The following AKAP6 variants were observed in gnomAD, a reference collection of about 807,000 sequenced individuals.
The protein encoded by AKAP6 is A-kinase anchor protein 6.
In AKAP6, 58 loss-of-function variants were observed where a neutral mutation model predicts 188.5. The ratio of observed to expected loss-of-function variants is 0.31; its 90% CI spans 0.25 to 0.38. The LOEUF (loss-of-function observed/expected upper bound fraction) is 0.38, where lower values mean the gene tolerates loss of function less well. Among genes scored for constraint, AKAP6 ranks in the 10% least tolerant of loss-of-function variants. The pLI is 1.00. For synonymous variants in AKAP6, 989 were observed against 998.6 expected, an observed-to-expected ratio of 0.99 and a Z score of 0.18; for missense variants, 2,710 against 2,740.0, an observed-to-expected ratio of 0.99 and a Z score of 0.24.
intron 8 of AKAP6, among the ~76,000 whole-genome samples, chr14:32,687,496 AC>A (rs2139670011): frequency 7.0e-6 from 1 of 143,278 alleles, no homozygotes; most frequent in South Asian, 2.2e-4. Flanking sequence ...ACACACTGTG[AC>A]CATTTTGAAT....
At chr14:32,372,649 A>T (rs1341524003) in intron 1 of AKAP6, among the ~76,000 whole-genome samples, 1 of 151,858 alleles carries the variant, frequency 6.6e-6, no homozygotes, top group Non-Finnish European at 1.5e-5. Flanking sequence ...TTAAATTATT[A>T]ATTGGCAAGA....
intron 8 of AKAP6, among the ~76,000 whole-genome samples, chr14:32,695,256 G>T (rs1179992105): frequency 6.6e-6 from 1 of 152,110 alleles, no homozygotes; most frequent in East Asian, 1.9e-4. Flanking sequence ...GTCTAATACT[G>T]GATCTGCCAC....
chr14:32,413,357 A>G (rs1889555991), intron 1 of AKAP6, among the ~76,000 whole-genome samples: 1 of 151,498 alleles, frequency 6.6e-6, no homozygotes, highest in Non-Finnish European at 1.5e-5. Context: ...TATTTTTTAA[A>G]ATTGTTTGTA....
chr14:32,415,600 G>A (rs988735529), intron 1 of AKAP6, among the ~76,000 whole-genome samples: 1 of 151,996 alleles, frequency 6.6e-6, no homozygotes, highest in Non-Finnish European at 1.5e-5. Flanking sequence ...TACATTCATC[G>A]TATCGTGCAG....
At chr14:32,464,806 G>A (rs879144512) in intron 2 of AKAP6, among the ~76,000 whole-genome samples, 1 of 152,154 alleles carries the variant, frequency 6.6e-6, no homozygotes, top group Admixed American at 6.5e-5. Flanking sequence ...AAGTCAAATT[G>A]TCTCTATTTG....
In AKAP6 at chr14:32,616,026, G is replaced by C. The variant is rs185967201; in HGVS notation, c.2730+15234G>C. On this transcript the variant is annotated intron_variant, in intron 7 of 13. Transcript: ENST00000280979. ...TTACCAAATAAGTCCCTGAGCCTCA[G>C]ATTCCTTTCTATAAATCATTGATTG... Among the ~76,000 whole-genome samples, 404 of 152,266 alleles carry C rather than the reference G, an allele frequency of 2.7e-3. 2 individuals are homozygous for C. Among genetic ancestry groups the C allele is most frequent in the African/African-American group, 8.0e-3 (333 of 41,542 alleles).
rs528840249 is a variant in AKAP6 at position 32,712,387 on chromosome 14, G to A, written c.3000+16277G>A. ...GGTGGTGGTTGCTGAAAGTTGGGGT[G>A]GCTGCGGCAATTTCTTAAAATAAGG... On this transcript the variant is annotated intron_variant, in intron 9 of 13. Transcript: ENST00000280979. 7.2e-5 allele frequency among the ~76,000 whole-genome samples: 11 copies of A among 152,072 alleles called. No homozygotes were observed. The South Asian group carries it at 2.3e-3, about 32-fold the overall frequency.
chr14:32,796,059 G>A (rs1288456528), intron 12 of AKAP6, among the ~76,000 whole-genome samples: 2 of 152,050 alleles, frequency 1.3e-5, no homozygotes, highest in Non-Finnish European at 2.9e-5. Flanking sequence ...AAAATATGTA[G>A]GAATATAGCT....
intron 7 of AKAP6, among the ~76,000 whole-genome samples, chr14:32,661,609 G>T (rs141041114): frequency 5.1e-4 from 77 of 152,164 alleles, no homozygotes; most frequent in Middle Eastern, 3.4e-3. Flanking sequence ...GCCATACCCC[G>T]GCTCTTTTAG....
At position 32,387,271 on chromosome 14, in the gene AKAP6, G is replaced by A. The variant is rs1270478960; in HGVS notation, c.-34-46189G>A. Among the ~76,000 whole-genome samples, 4 of 151,914 alleles carry A rather than the reference G, an allele frequency of 2.6e-5. No individual in the cohort carries two copies. The East Asian group carries it at 7.7e-4, about 29-fold the overall frequency. On this transcript the variant is annotated intron_variant, in intron 1 of 13. Coordinates refer to ENST00000280979, the MANE Select transcript of AKAP6 (RefSeq NM_004274.5). ...GTCTGACTTCCTCTTTACCAACTTG[G>A]ATGCTATTTATTTCTTTCTTTTGTC...
chr14:32,706,251 A>C (rs1236234824), intron 9 of AKAP6, among the ~76,000 whole-genome samples: 4 of 152,156 alleles, frequency 2.6e-5, no homozygotes. Context: ...CTAAGATAGA[A>C]GAAAGAAATG....
At chr14:32,461,628 C>T (rs551629679) in intron 2 of AKAP6, among the ~76,000 whole-genome samples, 2 of 152,090 alleles carry the variant, frequency 1.3e-5, no homozygotes, top group East Asian at 1.9e-4. Flanking sequence ...CAGGAAAAAC[C>T]AGTGCAAAAA....
intron 7 of AKAP6, among the ~76,000 whole-genome samples, chr14:32,666,120 T>C (rs1426651815): frequency 6.6e-6 from 1 of 152,142 alleles, no homozygotes; most frequent in African/African-American, 2.4e-5. Context: ...ATAACCAATA[T>C]ATTAAAAAGC....
At chr14:32,630,797 G>T (rs1476491916) in intron 7 of AKAP6, among the ~76,000 whole-genome samples, 1 of 151,974 alleles carries the variant, frequency 6.6e-6, no homozygotes, top group East Asian at 1.9e-4. Flanking sequence ...AATAGTAATA[G>T]ATGCTCATTG....
chr14:32,649,414 T>C (rs758657885), intron 7 of AKAP6, among the ~76,000 whole-genome samples: 32 of 152,216 alleles, frequency 2.1e-4, no homozygotes, highest in Non-Finnish European at 4.0e-4. Flanking sequence ...CTATTATGTA[T>C]GCCGATTGGC....
At chr14:32,544,692 T>G (rs1391313635) in intron 3 of AKAP6, among the ~76,000 whole-genome samples, 4 of 152,288 alleles carry the variant, frequency 2.6e-5, no homozygotes, top group Non-Finnish European at 5.9e-5. Flanking sequence ...ATTTGCAAAT[T>G]CAGTAGTTTA....
intron 4 of AKAP6, among the ~76,000 whole-genome samples, chr14:32,561,042 A>G (rs960730088): frequency 6.6e-6 from 1 of 152,226 alleles, no homozygotes; most frequent in Non-Finnish European, 1.5e-5. Flanking sequence ...ACTCAAGGAT[A>G]TAGAACTTAA....
chr14:32,795,562 C>T (rs184809491), intron 12 of AKAP6, among the ~76,000 whole-genome samples: 2 of 152,286 alleles, frequency 1.3e-5, no homozygotes, highest in African/African-American at 4.8e-5. Context: ...TCAATAGATA[C>T]AGAAAAAGCC....
intron 2 of AKAP6, among the ~76,000 whole-genome samples, chr14:32,479,663 T>C (rs1373641083): frequency 6.6e-6 from 1 of 152,144 alleles, no homozygotes; most frequent in Non-Finnish European, 1.5e-5. Context: ...TATGTTGAAA[T>C]CCTAACCTCC....
Sources: allele counts gnomAD v4.1 joint callset (sites outside exome capture counted in the v4.1 genomes callset), GRCh38; gene constraint gnomAD v4.1.1; transcripts MANE v1.5; gene names NCBI Gene and HGNC (gene_info 2026-07-23, HGNC 2026-07-21).